The following ASCL1 variants were observed in gnomAD, a reference collection of about 807,000 sequenced individuals.
The protein encoded by ASCL1 is achaete-scute homolog 1.
A neutral mutation model predicts 16.1 loss-of-function variants in ASCL1; 2 were observed. The observed-to-expected ratio is 0.12, with a 90% CI of 0.05 to 0.39. The LOEUF (loss-of-function observed/expected upper bound fraction) is 0.39, where lower values mean the gene tolerates loss of function less well. Ranked by LOEUF, ASCL1 falls within the 10% of genes least tolerant of loss-of-function variation. The pLI is 0.99. For synonymous variants in ASCL1, 165 were observed against 155.7 expected (o/e 1.06, Z -0.45); for missense variants, 276 against 336.9 (o/e 0.82, Z 1.41).
Position 102,958,370 on chromosome 12 carries a change from C to CGCAGCCGCGGCG in ASCL1, c.128_129insAGCCGCGGCGGC (p.Ala44_Ala47dup). 6.9e-7 allele frequency: 1 copy of CGCAGCCGCGGCG among 1,442,798 alleles called. No homozygotes were observed. Among genetic ancestry groups the CGCAGCCGCGGCG allele is most frequent in the Non-Finnish European group, 9.1e-7 (1 of 1,102,754 alleles). 89.4% of individuals were successfully genotyped at this position (1,442,798 alleles called of 1,614,324 possible). A position where few individuals can be genotyped will look rare whatever the true frequency, so the allele number is the denominator to read the frequency against. On this transcript the variant is annotated inframe_insertion, in exon 1 of 2. Transcript: ENST00000266744. Reference sequence around the variant, plus strand: ...CGGCCGCAGCCGCGGCGGCCGCAGCCGCCGCAGCGGCAGCGCAGAGCGCGC... The same window carrying CGCAGCCGCGGCG: ...CGGCCGCAGCCGCGGCGGCCGCAGCCGCAGCCGCGGCGGCCGCAGCGGCAGCGCAGAGCGCGC...
At position 102,958,162 on chromosome 12, in the gene ASCL1, G is replaced by T; in HGVS notation, c.-83G>T. The T allele has an allele frequency of 4.5e-6, 5 of 1,109,168 alleles. No homozygotes were observed. The South Asian group carries it at 1.1e-4, about 23-fold the overall frequency. 68.7% of individuals were successfully genotyped at this position (1,109,168 alleles called of 1,614,324 possible). A position where few individuals can be genotyped will look rare whatever the true frequency, so the allele number is the denominator to read the frequency against. On this transcript the variant is annotated 5_prime_UTR_variant, in exon 1 of 2. Transcript: ENST00000266744. ...TTTCCCTCTCTGTTCCTGCACCCAA[G>T]TTCTCTCTGTGTCCCCCTCGCGGGC...
At position 102,958,402 on chromosome 12, in the gene ASCL1, A is replaced by C. The variant is rs1347933915; in HGVS notation, c.158A>C (p.Gln53Pro). 1 of 1,493,180 alleles carries C rather than the reference A, an allele frequency of 6.7e-7. No homozygotes were observed. The highest frequency in any genetic ancestry group is 9.0e-7 in the Non-Finnish European group (1 of 1,109,680). The allele number at this position is 1,493,180 out of a possible 1,614,324, so 92.5% of individuals were successfully genotyped here. ...GCGGCAGCGCAGAGCGCGCAGCAGC[A>C]GCAGCAGCAGCAGCAGCAGCAGCAG... ...AAAAAQSAQQ[Q>P]QQQQQQQQQA... The change falls in exon 1 of 2, where the codon CAG (glutamine) becomes CCG (proline). Residue 53 changes from glutamine to proline, a missense_variant. Around this residue, in one of 3 missense-constraint regions of ASCL1, gnomAD observed 178 missense variants for 167.0 expected, o/e 1.07. Coordinates refer to ENST00000266744, the MANE Select transcript of ASCL1 (RefSeq NM_004316.4).
In ASCL1 at chr12:102,958,646, C is replaced by A; in HGVS notation, c.402C>A (p.Val134=). Residue 134 remains valine, a synonymous_variant, in exon 1 of 2, where the codon GTC becomes GTA. Coordinates refer to ENST00000266744, the MANE Select transcript of ASCL1 (RefSeq NM_004316.4). The part of the protein sequence containing the change: ...NERERNRVKL[V]NLGFATLREH... ...GCGAGCGCAACCGCGTCAAGTTGGT[C>A]AACCTGGGCTTTGCCACCCTTCGGG... 6.8e-6 allele frequency: 11 copies of A among 1,613,788 alleles called. No individual in the cohort carries two copies. Among genetic ancestry groups the A allele is most frequent in the Non-Finnish European group, 9.3e-6 (11 of 1,179,924 alleles).
In ASCL1 at chr12:102,958,187, C is replaced by G; in HGVS notation, c.-58C>G. On this transcript the variant is annotated 5_prime_UTR_variant, in exon 1 of 2. Coordinates refer to ENST00000266744, the MANE Select transcript of ASCL1 (RefSeq NM_004316.4). ...GTTCTCTCTGTGTCCCCCTCGCGGGCCCCGCACCTCGCGTCCCGGATCGCT... is the reference window on the plus strand; with the variant it reads ...GTTCTCTCTGTGTCCCCCTCGCGGGGCCCGCACCTCGCGTCCCGGATCGCT... The G allele has an allele frequency of 2.2e-6, 3 of 1,353,710 alleles. No individual in the cohort carries two copies. Among genetic ancestry groups the G allele is most frequent in the African/African-American group, 1.5e-5 (1 of 65,558 alleles). 83.9% of individuals were successfully genotyped at this position (1,353,710 alleles called of 1,614,324 possible).
rs3832799 is a variant in ASCL1, at chr12:102,958,393, C to CGCAGCAGCA, written c.178_186dup (p.Gln60_Gln62dup). 0.018 allele frequency: 26,769 copies of CGCAGCAGCA among 1,506,720 alleles called. 194 individuals carry two copies. Among genetic ancestry groups the CGCAGCAGCA allele is most frequent in the East Asian group, 0.17 (6,464 of 38,396 alleles). 93.3% of individuals were successfully genotyped at this position (1,506,720 alleles called of 1,614,324 possible). ...GCCGCCGCAGCGGCAGCGCAGAGCG[C>CGCAGCAGCA]GCAGCAGCAGCAGCAGCAGCAGCAG... On this transcript the variant is annotated inframe_insertion, in exon 1 of 2. Coordinates refer to ENST00000266744, the MANE Select transcript of ASCL1 (RefSeq NM_004316.4).
At position 102,958,455 on chromosome 12, in the gene ASCL1, G is replaced by T. The variant is rs770692196; in HGVS notation, c.211G>T (p.Asp71Tyr). 6 of 1,560,882 alleles carry T rather than the reference G, an allele frequency of 3.8e-6. No individual in the cohort carries two copies. The highest frequency in any genetic ancestry group is 3.5e-5 in the South Asian group (3 of 85,280). ...GGCGCCGCAGCTGAGACCGGCGGCC[G>T]ACGGCCAGCCCTCAGGGGGCGGTCA... ...QQAPQLRPAA[D>Y]GQPSGGGHKS... The change falls in exon 1 of 2, where the codon GAC becomes TAC. Residue 71 changes from aspartate (D) to tyrosine (Y), a missense_variant. By Grantham distance (160) the Asp-to-Tyr change is radical. Transcript: ENST00000266744.
At position 102,958,379 on chromosome 12, in the gene ASCL1, GGCAGCGCAGAGCGCGCAGCAGCAGCA is replaced by G; in HGVS notation, c.141_166del (p.Gln48AlafsTer100). On this transcript the variant is annotated frameshift_variant, in exon 1 of 2. Coordinates refer to ENST00000266744, the MANE Select transcript of ASCL1 (RefSeq NM_004316.4). LOFTEE classifies it high-confidence loss of function. ...CCGCGGCGGCCGCAGCCGCCGCAGC[GGCAGCGCAGAGCGCGCAGCAGCAGCA>G]GCAGCAGCAGCAGCAGCAGCAGCAG... The G allele has an allele frequency of 6.7e-7, 1 of 1,485,360 alleles. No homozygotes were observed. The allele number at this position is 1,485,360 out of a possible 1,614,324, so 92.0% of individuals were successfully genotyped here.
chr12:102,958,441 T>C lies in ASCL1; in HGVS notation c.197T>C (p.Leu66Pro), dbSNP rs770471647. The change falls in exon 1 of 2, where the codon CTG becomes CCG. Residue 66 changes from leucine (L) to proline (P), a missense_variant. Leu to Pro is a moderately conservative substitution (Grantham distance 98). Transcript: ENST00000266744. ...QQQQQQQAPQ[L>P]RPAADGQPSG... ...CAGCAGCAGCAGCAGGCGCCGCAGCTGAGACCGGCGGCCGACGGCCAGCCC... is the reference window on the plus strand; with the variant it reads ...CAGCAGCAGCAGCAGGCGCCGCAGCCGAGACCGGCGGCCGACGGCCAGCCC... 5 of 1,552,786 alleles carry C rather than the reference T, an allele frequency of 3.2e-6. No homozygotes were observed. Among genetic ancestry groups the C allele is most frequent in the Non-Finnish European group, 4.3e-6 (5 of 1,150,574 alleles).
intron 1 of ASCL1, 126 bp from the exon 2 acceptor site, chr12:102,959,236 A>C: frequency 2.0e-6 from 1 of 499,358 alleles, no homozygotes; most frequent in Non-Finnish European, 3.6e-6. Context: ...ATACTGGTGA[A>C]CCGAATACTG....
chr12:102,958,358 G>GGCGGCC lies in ASCL1; in HGVS notation c.117_122dup (p.Ala46_Ala47dup). The stretch of plus-strand genomic sequence containing the variant: ...GTTTCTTTGCCACGGCCGCAGCCGC[G>GGCGGCC]GCGGCCGCAGCCGCCGCAGCGGCAG... On this transcript the variant is annotated inframe_insertion, in exon 1 of 2. Coordinates refer to ENST00000266744, the MANE Select transcript of ASCL1 (RefSeq NM_004316.4). 1 of 1,424,750 alleles carries GGCGGCC rather than the reference G, an allele frequency of 7.0e-7. No individual in the cohort carries two copies. The highest frequency in any genetic ancestry group is 9.1e-7 in the Non-Finnish European group (1 of 1,094,054). 88.3% of individuals were successfully genotyped at this position (1,424,750 alleles called of 1,614,324 possible).
chr12:102,958,601 C>G lies in ASCL1; in HGVS notation c.357C>G (p.Ala119=). 1.2e-6 allele frequency: 2 copies of G among 1,611,078 alleles called. No homozygotes were observed. Among genetic ancestry groups the G allele is most frequent in the Non-Finnish European group, 1.7e-6 (2 of 1,178,780 alleles). ...GYSLPQQQPA[A]VARRNERERN... ...GCCTGCCGCAGCAGCAGCCGGCCGC[C>G]GTGGCGCGCCGCAACGAGCGCGAGC... Residue 119 remains alanine, a synonymous_variant, in exon 1 of 2, where the codon GCC becomes GCG. Transcript: ENST00000266744.
rs1880078344 is a variant in ASCL1, at chr12:102,960,358, G to A, written c.*1044G>A. 1 of 152,632 alleles carries A rather than the reference G, an allele frequency of 6.6e-6. No individual in the cohort carries two copies. The highest frequency in any genetic ancestry group is 2.4e-5 in the African/African-American group (1 of 41,454). 9.5% of individuals were successfully genotyped at this position (152,632 alleles called of 1,614,324 possible). On this transcript the variant is annotated 3_prime_UTR_variant, in exon 2 of 2. Transcript: ENST00000266744. ...TGCAGCTACTGTCCAAACTCAAAGT[G>A]GCAGCCAGTTGGTTTTGATAGGTTG... is the stretch of plus-strand genomic sequence containing the variant.
chr12:102,958,730 G>C lies in ASCL1; in HGVS notation c.486G>C (p.Ser162=), dbSNP rs143148107. ...KKMSKVETLR[S]AVEYIRALQQ... ...TGAGTAAGGTGGAGACACTGCGCTCGGCGGTCGAGTACATCCGCGCGCTGC... is the reference window on the plus strand; with the variant it reads ...TGAGTAAGGTGGAGACACTGCGCTCCGCGGTCGAGTACATCCGCGCGCTGC... Residue 162 remains serine, a synonymous_variant, in exon 1 of 2, where the codon TCG becomes TCC. Coordinates refer to ENST00000266744, the MANE Select transcript of ASCL1 (RefSeq NM_004316.4). 2.1e-5 allele frequency: 34 copies of C among 1,613,996 alleles called. No homozygotes were observed. The highest frequency in any genetic ancestry group is 1.6e-4 in the Middle Eastern group (1 of 6,084).
chr12:102,958,308 C>A lies in ASCL1; in HGVS notation c.64C>A (p.Gln22Lys), dbSNP rs1398188355. The change falls in exon 1 of 2, where the codon CAG (glutamine) becomes AAG (lysine). Residue 22 changes from glutamine to lysine, a missense_variant. Transcript: ENST00000266744. ...AGQQPQPQPQ[Q>K]PFLPPAACFF... ...CCAGCAGCCCCAGCCGCAGCCCCAG[C>A]AGCCCTTCCTGCCGCCCGCAGCCTG... 7 of 1,478,798 alleles carry A rather than the reference C, an allele frequency of 4.7e-6. No homozygotes were observed. The highest frequency in any genetic ancestry group is 6.2e-6 in the Non-Finnish European group (7 of 1,120,460). The allele number at this position is 1,478,798 out of a possible 1,614,324, so 91.6% of individuals were successfully genotyped here.
rs968318334 is a variant in ASCL1 at position 102,959,596 on chromosome 12, G to C, written c.*282G>C. 2.0e-5 allele frequency: 3 copies of C among 152,566 alleles called. No homozygotes were observed. In the South Asian group the frequency reaches 6.2e-4, roughly 32 times the overall value. The allele number at this position is 152,566 out of a possible 1,614,324, so 9.5% of individuals were successfully genotyped here. ...CTCCAATCATTCACGGAGATATGAA[G>C]AGCAACTGGGACCTGAGTCAATGCG... On this transcript the variant is annotated 3_prime_UTR_variant, in exon 2 of 2. Coordinates refer to ENST00000266744, the MANE Select transcript of ASCL1 (RefSeq NM_004316.4).
At position 102,958,458 on chromosome 12, in the gene ASCL1, G is replaced by C. The variant is rs1018851740; in HGVS notation, c.214G>C (p.Gly72Arg). 2 of 1,562,680 alleles carry C rather than the reference G, an allele frequency of 1.3e-6. No homozygotes were observed. Among genetic ancestry groups the C allele is most frequent in the Non-Finnish European group, 1.7e-6 (2 of 1,155,724 alleles). ...QAPQLRPAAD[G>R]QPSGGGHKSA... ...GCCGCAGCTGAGACCGGCGGCCGACGGCCAGCCCTCAGGGGGCGGTCACAA... is the reference window on the plus strand; with the variant it reads ...GCCGCAGCTGAGACCGGCGGCCGACCGCCAGCCCTCAGGGGGCGGTCACAA... Residue 72 changes from glycine to arginine, a missense_variant, in exon 1 of 2, where the codon GGC becomes CGC. Around this residue, in one of 3 missense-constraint regions of ASCL1, gnomAD observed 178 missense variants for 167.0 expected, o/e 1.07. Transcript: ENST00000266744.
Position 102,958,448 on chromosome 12 carries a change from G to A in ASCL1, c.204G>A (p.Pro68=). The change falls in exon 1 of 2, where the codon CCG becomes CCA. Residue 68 remains proline (P), a synonymous_variant. Transcript: ENST00000266744. ...QQQQQAPQLR[P]AADGQPSGGG... The stretch of plus-strand genomic sequence containing the variant: ...AGCAGCAGGCGCCGCAGCTGAGACC[G>A]GCGGCCGACGGCCAGCCCTCAGGGG... The A allele has an allele frequency of 1.9e-6, 3 of 1,558,246 alleles. No individual in the cohort carries two copies. Among genetic ancestry groups the A allele is most frequent in the South Asian group, 1.2e-5 (1 of 85,054 alleles).
Position 102,958,429 on chromosome 12 carries a change from A to G in ASCL1, c.185A>G (p.Gln62Arg). The change falls in exon 1 of 2, where the codon CAG (glutamine) becomes CGG (arginine). Residue 62 changes from glutamine to arginine, a missense_variant. Physicochemically the swap from Gln to Arg is conservative, Grantham distance 43. This residue lies in a region of ASCL1 where 178 missense variants were observed against 167.0 expected (regional missense o/e 1.07). Coordinates refer to ENST00000266744, the MANE Select transcript of ASCL1 (RefSeq NM_004316.4). ...QQQQQQQQQQ[Q>R]APQLRPAADG... ...CAGCAGCAGCAGCAGCAGCAGCAGC[A>G]GGCGCCGCAGCTGAGACCGGCGGCC... The G allele has an allele frequency of 6.5e-7, 1 of 1,548,802 alleles. No homozygotes were observed. Among genetic ancestry groups the G allele is most frequent in the Non-Finnish European group, 8.7e-7 (1 of 1,148,092 alleles).
At position 102,958,265 on chromosome 12, in the gene ASCL1, G is replaced by C. The variant is rs772933316; in HGVS notation, c.21G>C (p.Met7Ile). MESSAKMESGGAGQQPQ... is the reference protein window; with the variant it reads MESSAKIESGGAGQQPQ... Reference sequence around the variant, plus strand: ...TGCGCATGGAAAGCTCTGCCAAGATGGAGAGCGGCGGCGCCGGCCAGCAGC... The same window carrying C: ...TGCGCATGGAAAGCTCTGCCAAGATCGAGAGCGGCGGCGCCGGCCAGCAGC... Residue 7 changes from methionine to isoleucine, a missense_variant, in exon 1 of 2, where the codon ATG becomes ATC. Met to Ile is a conservative substitution (Grantham distance 10, BLOSUM62 1). This residue lies in a region of ASCL1 where 178 missense variants were observed against 167.0 expected (regional missense o/e 1.07). Coordinates refer to ENST00000266744, the MANE Select transcript of ASCL1 (RefSeq NM_004316.4). 1.4e-5 allele frequency: 21 copies of C among 1,474,728 alleles called. 1 individual carries two copies. The South Asian group carries it at 2.6e-4, about 18-fold the overall frequency. 91.4% of individuals were successfully genotyped at this position (1,474,728 alleles called of 1,614,324 possible). A position where few individuals can be genotyped will look rare whatever the true frequency, so the allele number is the denominator to read the frequency against.
Sources: gnomAD v4.1 joint callset for allele counts on GRCh38, gnomAD v4.1.1 for gene constraint, gnomAD v4.1.1 regional missense constraint, MANE v1.5 for transcripts, NCBI Gene and HGNC (gene_info 2026-07-23, HGNC 2026-07-21) for gene names.